Variants in CD38 observed in about 807,000 individuals in gnomAD.
The protein encoded by CD38 is CD38 molecule, also known as ADP-ribosyl cyclase/cyclic ADP-ribose hydrolase 1.
Under a neutral mutation model 36.3 loss-of-function variants are expected in CD38, and 31 were observed. The ratio of observed to expected loss-of-function variants is 0.85; its 90% CI spans 0.64 to 1.15. The LOEUF (loss-of-function observed/expected upper bound fraction) is 1.15. Among genes scored for constraint, CD38 ranks in the 50% most tolerant of loss-of-function variants. The pLI, the probability that CD38 is intolerant of heterozygous loss-of-function variation, is 0.00. For missense variants in CD38, 380 were observed against 371.9 expected (o/e 1.02, Z -0.18); for synonymous variants, 131 against 135.2 (o/e 0.97, Z 0.22).
At chr4:15,801,097 A>C (rs945306970) in intron 1 of CD38, among the ~76,000 whole-genome samples, 1 of 152,020 alleles carries the variant, frequency 6.6e-6, no homozygotes, top group African/African-American at 2.4e-5. Flanking sequence ...GAAAAAGGAG[A>C]TGTTACAATT....
At chr4:15,841,995 C>G (rs918915592) in intron 7 of CD38, among the ~76,000 whole-genome samples, 1 of 142,454 alleles carries the variant, frequency 7.0e-6, no homozygotes, top group African/African-American at 2.8e-5. Flanking sequence ...GGGCGCCCGC[C>G]ATTGCCCAGG....
chr4:15,803,123 T>A (rs1020112895), intron 1 of CD38, among the ~76,000 whole-genome samples: 3 of 152,126 alleles, frequency 2.0e-5, no homozygotes, highest in African/African-American at 7.2e-5. Context: ...GCCCCATCTA[T>A]CATAATATAA....
chr4:15,784,987 C>T (rs760059321), intron 1 of CD38, among the ~76,000 whole-genome samples: 3 of 151,614 alleles, frequency 2.0e-5, no homozygotes, highest in African/African-American at 4.9e-5. Context: ...ACCTGGGAGG[C>T]GGAGGTTGCA....
intron 2 of CD38, 200 bp downstream of exon 2, chr4:15,816,840 T>G (rs1363556262): frequency 1.7e-6 from 1 of 577,780 alleles, no homozygotes; most frequent in African/African-American, 1.9e-5. Context: ...AGAAGGGAGC[T>G]AAGAGAGAGA....
At chr4:15,821,363 GA>G (rs1723730266) in intron 2 of CD38, among the ~76,000 whole-genome samples, 1 of 149,992 alleles carries the variant, frequency 6.7e-6, no homozygotes, top group Non-Finnish European at 1.5e-5. Flanking sequence ...AGGAGATAGA[GA>G]CACAAAAATC....
chr4:15,834,959 A>T (rs924141297), intron 4 of CD38, among the ~76,000 whole-genome samples: 9 of 152,128 alleles, frequency 5.9e-5, no homozygotes, highest in Non-Finnish European at 1.0e-4. Flanking sequence ...TGATGTGGTG[A>T]TACATATAAG....
Position 15,834,201 on chromosome 4 carries a change from A to T in CD38, c.500-16A>T. 6.5e-7 allele frequency: 1 copy of T among 1,535,042 alleles called. No homozygotes were observed. Among genetic ancestry groups the T allele is most frequent in the Non-Finnish European group, 9.0e-7 (1 of 1,108,086 alleles). The stretch of plus-strand genomic sequence containing the variant: ...CTCTGTTTTCCACTTTATTTTCTAC[A>T]AACTATGTCTTTTAGAAATAAACTA... On this transcript the variant is annotated splice_polypyrimidine_tract_variant and intron_variant, in intron 3 of 7. Coordinates refer to ENST00000226279, the MANE Select transcript of CD38 (RefSeq NM_001775.4).
At chr4:15,825,400 G>A (rs1031312076) in intron 3 of CD38, 11 of 206,134 alleles carry the variant, frequency 5.3e-5, no homozygotes, top group Admixed American at 2.1e-4. Context: ...ATGACCAGCT[G>A]TCCTGGGAAC....
intron 1 of CD38, among the ~76,000 whole-genome samples, chr4:15,799,879 G>A (rs181315594): frequency 2.0e-5 from 3 of 152,188 alleles, no homozygotes; most frequent in Non-Finnish European, 4.4e-5. Flanking sequence ...CTCAGGCACA[G>A]AGGGAGGAGG....
chr4:15,823,518 T>C (rs1302010921), intron 2 of CD38, among the ~76,000 whole-genome samples: 1 of 151,996 alleles, frequency 6.6e-6, no homozygotes, highest in African/African-American at 2.4e-5. Context: ...GCAAAGAACA[T>C]GAACAGACAC....
chr4:15,791,019 G>A (rs1345371403), intron 1 of CD38, among the ~76,000 whole-genome samples: 143 of 142,988 alleles, frequency 1.0e-3, no homozygotes, highest in African/African-American at 3.7e-3. Flanking sequence ...TCTCCGCCCG[G>A]CAGCCACCCC....
At chr4:15,787,102 T>A (rs6840069) in intron 1 of CD38, among the ~76,000 whole-genome samples, 1 of 151,998 alleles carries the variant, frequency 6.6e-6, no homozygotes, top group Non-Finnish European at 1.5e-5. Flanking sequence ...ACACCTCCGC[T>A]CAAGCAGAGG....
chr4:15,819,503 A>G (rs1309778689), intron 2 of CD38, among the ~76,000 whole-genome samples: 1 of 152,202 alleles, frequency 6.6e-6, no homozygotes, highest in African/African-American at 2.4e-5. Flanking sequence ...AAGAACCATG[A>G]TAAAACATAG....
chr4:15,783,186 C>T (rs995278792), intron 1 of CD38, among the ~76,000 whole-genome samples: 9 of 152,162 alleles, frequency 5.9e-5, no homozygotes, highest in Non-Finnish European at 1.0e-4. Context: ...TCAGAGCTGA[C>T]AGCATCTCGG....
chr4:15,798,989 A>G (rs1723159067), intron 1 of CD38, among the ~76,000 whole-genome samples: 2 of 152,176 alleles, frequency 1.3e-5, no homozygotes, highest in Admixed American at 6.5e-5. Flanking sequence ...TCTTGACACT[A>G]TATTTATCAC....
At chr4:15,812,602 A>G (rs912950478) in intron 1 of CD38, among the ~76,000 whole-genome samples, 1 of 152,194 alleles carries the variant, frequency 6.6e-6, no homozygotes, top group African/African-American at 2.4e-5. Flanking sequence ...CAGGAGGCTG[A>G]GGCAGGAGAA....
chr4:15,841,933 C>G (rs1724220916), intron 7 of CD38, among the ~76,000 whole-genome samples: 1 of 133,494 alleles, frequency 7.5e-6, no homozygotes, highest in Non-Finnish European at 1.6e-5. Context: ...TCGCTGATTG[C>G]TAGCACAGCA....
intron 1 of CD38, among the ~76,000 whole-genome samples, chr4:15,788,970 A>G (rs28454317): frequency 0.028 from 4,216 of 152,316 alleles, 133 homozygotes; most frequent in African/African-American, 0.074. Flanking sequence ...TCTCCAAGTT[A>G]CCATCTAACT....
In CD38 at chr4:15,838,217, A is replaced by G. The variant is rs761841027; in HGVS notation, c.659+52A>G. ...GCAAGTATCCTGTTGCAAATATCACAGTGAATATTTCATCTCTAGAAAGAA... is the reference window on the plus strand; with the variant it reads ...GCAAGTATCCTGTTGCAAATATCACGGTGAATATTTCATCTCTAGAAAGAA... On this transcript the variant is annotated intron_variant, in intron 5 of 7. Coordinates refer to ENST00000226279, the MANE Select transcript of CD38 (RefSeq NM_001775.4). The G allele has an allele frequency of 3.9e-6, 5 of 1,269,684 alleles. No homozygotes were observed. The African/African-American group carries it at 5.9e-5, about 15-fold the overall frequency. The allele number at this position is 1,269,684 out of a possible 1,614,324, so 78.7% of individuals were successfully genotyped here.
Sources: allele counts gnomAD v4.1 joint callset (sites outside exome capture counted in the v4.1 genomes callset), GRCh38; gene constraint gnomAD v4.1.1; transcripts MANE v1.5; gene names NCBI Gene and HGNC (gene_info 2026-07-23, HGNC 2026-07-21).